The following PHLDB2 variants were observed in gnomAD, a reference collection of about 807,000 sequenced individuals.
PHLDB2 encodes the protein pleckstrin homology-like domain family B member 2.
In PHLDB2, 71 loss-of-function variants were observed where a neutral mutation model predicts 123.6. That is an observed-to-expected ratio of 0.57 (90% CI 0.47 to 0.70). PHLDB2 has a LOEUF of 0.70. Among genes scored for constraint, PHLDB2 ranks in the 30% least tolerant of loss-of-function variants. The probability of loss-of-function intolerance (pLI) is 0.00; values close to 1 mark genes in which losing one functional copy is unlikely to be tolerated. For missense variants in PHLDB2, 1,446 were observed against 1,519.5 expected, an observed-to-expected ratio of 0.95 and a Z score of 0.80; for synonymous variants, 547 against 541.6, an observed-to-expected ratio of 1.01 and a Z score of -0.14.
At chr3:111,907,976 T>C (rs185847651) in intron 2 of PHLDB2, among the ~76,000 whole-genome samples, 6 of 152,316 alleles carry the variant, frequency 3.9e-5, no homozygotes, top group Admixed American at 1.3e-4. Context: ...TTTGCATTTT[T>C]TGTAGAGATG....
At chr3:111,806,753 T>G (rs1336240684) in intron 1 of PHLDB2, among the ~76,000 whole-genome samples, 2 of 152,048 alleles carry the variant, frequency 1.3e-5, no homozygotes, top group African/African-American at 4.8e-5. Context: ...CCCAGAGTGC[T>G]GGGATTACAG....
chr3:111,927,367 A>G lies in PHLDB2; in HGVS notation c.2002-4902A>G, dbSNP rs114047603. ...CACAGTGAGACCTCATCTCTGTCAA[A>G]TAAATAAATAAATAAACAAATAAAT... On this transcript the variant is annotated intron_variant, in intron 5 of 17. Transcript: ENST00000431670. Among the ~76,000 whole-genome samples, 551 of 152,232 alleles carry G rather than the reference A, an allele frequency of 3.6e-3. 4 individuals carry two copies. The highest frequency in any genetic ancestry group is 0.013 in the African/African-American group (526 of 41,534).
At chr3:111,839,329 A>G (rs371239910) in intron 1 of PHLDB2, among the ~76,000 whole-genome samples, 1 of 152,232 alleles carries the variant, frequency 6.6e-6, no homozygotes, top group African/African-American at 2.4e-5. Context: ...GTTAGTGTCA[A>G]TGACAATGTC....
intron 1 of PHLDB2, among the ~76,000 whole-genome samples, chr3:111,762,050 C>G (rs552532727): frequency 4.6e-5 from 7 of 152,162 alleles, no homozygotes; most frequent in Non-Finnish European, 7.4e-5. Flanking sequence ...GGATGCCCCC[C>G]CAATCCCATC....
At chr3:111,758,751 A>G (rs1351501896) in intron 1 of PHLDB2, among the ~76,000 whole-genome samples, 1 of 152,070 alleles carries the variant, frequency 6.6e-6, no homozygotes, top group Admixed American at 6.6e-5. Context: ...TCTTGGCTCG[A>G]CCACAAAAAA....
intron 1 of PHLDB2, among the ~76,000 whole-genome samples, chr3:111,795,379 G>A (rs1213767901): frequency 6.6e-6 from 1 of 152,048 alleles, no homozygotes; most frequent in African/African-American, 2.4e-5. Context: ...AAGACCTATG[G>A]TCCATTTGAA....
chr3:111,943,930 A>T (rs555349774), intron 8 of PHLDB2, among the ~76,000 whole-genome samples: 1 of 152,344 alleles, frequency 6.6e-6, no homozygotes, highest in South Asian at 2.1e-4. Flanking sequence ...AGACTGTTTA[A>T]AGTAGTTTTT....
chr3:111,897,900 CGCAAATTTTTTGGTTTCCCAGT>C (rs1559892161), intron 2 of PHLDB2, among the ~76,000 whole-genome samples: 1 of 152,126 alleles, frequency 6.6e-6, no homozygotes. Flanking sequence ...AAGCAAGTGA[CGCAAATTTTTTGGTTTCCCAGT>C]GCATATTAAA....
At chr3:111,900,359 A>G (rs746009862) in intron 2 of PHLDB2, among the ~76,000 whole-genome samples, 1 of 152,198 alleles carries the variant, frequency 6.6e-6, no homozygotes, top group Non-Finnish European at 1.5e-5. Context: ...CTCAAAGCTT[A>G]ATCGTTTCTA....
intron 16 of PHLDB2, among the ~76,000 whole-genome samples, chr3:111,970,927 G>A (rs763539419): frequency 6.6e-6 from 1 of 152,202 alleles, no homozygotes; most frequent in Non-Finnish European, 1.5e-5. Context: ...AAACCAAGCA[G>A]CCTGTGGAAG....
chr3:111,889,830 G>T (rs1389638589), intron 2 of PHLDB2, among the ~76,000 whole-genome samples: 1 of 152,030 alleles, frequency 6.6e-6, no homozygotes, highest in Non-Finnish European at 1.5e-5. Flanking sequence ...AGAACAGTAG[G>T]CCTTCTCTGT....
intron 12 of PHLDB2, among the ~76,000 whole-genome samples, chr3:111,961,615 T>C (rs892249567): frequency 6.6e-6 from 1 of 152,176 alleles, no homozygotes; most frequent in Non-Finnish European, 1.5e-5. Flanking sequence ...AGTGATGATA[T>C]GAGATACGAG....
At chr3:111,861,042 G>A (rs1256570891) in intron 1 of PHLDB2, among the ~76,000 whole-genome samples, 3 of 152,228 alleles carry the variant, frequency 2.0e-5, no homozygotes, top group Admixed American at 6.5e-5. Context: ...TCGGCTGGGA[G>A]AGATCTAAAT....
chr3:111,815,760 C>T (rs1220466055), intron 1 of PHLDB2, among the ~76,000 whole-genome samples: 1 of 152,182 alleles, frequency 6.6e-6, no homozygotes, highest in Non-Finnish European at 1.5e-5. Flanking sequence ...GAAATTCAAG[C>T]TGGCTGCAGA....
chr3:111,927,325 A>C lies in PHLDB2; in HGVS notation c.2002-4944A>C, dbSNP rs530686441. On this transcript the variant is annotated intron_variant, in intron 5 of 17. Transcript: ENST00000431670. ...GAGGATCACTTGAGCTCAGGAGTTCAAGACCAGTGTAGGTAACACAGTGAG... is the reference window on the plus strand; with the variant it reads ...GAGGATCACTTGAGCTCAGGAGTTCCAGACCAGTGTAGGTAACACAGTGAG... Among the ~76,000 whole-genome samples the C allele has an allele frequency of 6.8e-3, 1,037 of 152,242 alleles. 14 individuals are homozygous for C. The highest frequency in any genetic ancestry group is 0.024 in the African/African-American group (991 of 41,538).
chr3:111,937,715 G>A (rs933927963), intron 6 of PHLDB2, among the ~76,000 whole-genome samples: 2 of 151,280 alleles, frequency 1.3e-5, no homozygotes, highest in African/African-American at 4.9e-5. Context: ...GGTCGAGGGT[G>A]CAGTAAGCTG....
rs1416415801 is a variant in PHLDB2 at position 111,875,308 on chromosome 3, C to G, written c.-14-8756C>G. ...GGATTACAGGCATGCACCACCATGCCTGGCTAATTTTTTGTATTTTTAGTA... is the reference window on the plus strand; with the variant it reads ...GGATTACAGGCATGCACCACCATGCGTGGCTAATTTTTTGTATTTTTAGTA... On this transcript the variant is annotated intron_variant, in intron 1 of 17. Transcript: ENST00000431670. Among the ~76,000 whole-genome samples, 7 of 146,648 alleles carry G rather than the reference C, an allele frequency of 4.8e-5. No homozygotes were observed. The East Asian group carries it at 1.6e-3, about 33-fold the overall frequency.
intron 8 of PHLDB2, among the ~76,000 whole-genome samples, chr3:111,942,551 A>G (rs1289174712): frequency 6.6e-6 from 1 of 152,174 alleles, no homozygotes; most frequent in East Asian, 1.9e-4. Context: ...TTTCTCTCTC[A>G]TACTGTAAAT....
At chr3:111,896,858 T>C (rs2066902295) in intron 2 of PHLDB2, among the ~76,000 whole-genome samples, 1 of 152,092 alleles carries the variant, frequency 6.6e-6, no homozygotes, top group African/African-American at 2.4e-5. Flanking sequence ...AAGGTGCTTA[T>C]TAGAAGTCAC....
Sources: allele counts gnomAD v4.1 joint callset (sites outside exome capture counted in the v4.1 genomes callset), GRCh38; gene constraint gnomAD v4.1.1; transcripts MANE v1.5; gene names NCBI Gene and HGNC (gene_info 2026-07-23, HGNC 2026-07-21).